PARP6: variants seen among roughly 807,000 people sequenced by gnomAD.
PARP6 encodes poly(ADP-ribose) polymerase family member 6.
Under a neutral mutation model 92.0 loss-of-function variants are expected in PARP6, and 27 were observed. The observed-to-expected ratio is 0.29, with a 90% CI of 0.22 to 0.40. PARP6 has a LOEUF of 0.40. PARP6 is among the 10% of genes least tolerant of loss of function. The pLI is 1.00. For missense variants in PARP6, 501 were observed against 784.5 expected (o/e 0.64, Z 4.32); for synonymous variants, 272 against 281.2 (o/e 0.97, Z 0.33).
At position 72,265,598 on chromosome 15, in the gene PARP6, C is replaced by T. The variant is rs557665331; in HGVS notation, c.177-125G>A. The T allele has an allele frequency of 6.5e-6, 5 of 773,566 alleles. No individual in the cohort carries two copies. In the African/African-American group the frequency reaches 8.5e-5, roughly 13 times the overall value. The allele number at this position is 773,566 out of a possible 1,614,324, so 47.9% of individuals were successfully genotyped here. On this transcript the variant is annotated intron_variant, in intron 5 of 23. Transcript: ENST00000569795. ...GGGAAGAGTGGATGACAGTTTTGTACCTAGGGTCTTAGCTATAGCCTTACA... is the reference window on the plus strand; with the variant it reads ...GGGAAGAGTGGATGACAGTTTTGTATCTAGGGTCTTAGCTATAGCCTTACA...
intron 14 of PARP6, among the ~76,000 whole-genome samples, chr15:72,255,665 A>C (rs1042128607): frequency 2.6e-5 from 4 of 151,832 alleles, no homozygotes; most frequent in African/African-American, 9.7e-5. Flanking sequence ...AGCCTCCATA[A>C]TCATGTGAGG....
intron 20 of PARP6, among the ~76,000 whole-genome samples, chr15:72,248,708 C>G (rs1350192270): frequency 6.6e-6 from 1 of 152,188 alleles, no homozygotes; most frequent in Non-Finnish European, 1.5e-5. Context: ...CTTGACTCAT[C>G]TCCTGATTAG....
chr15:72,254,979 T>C (rs2084870969), intron 14 of PARP6, among the ~76,000 whole-genome samples: 1 of 152,110 alleles, frequency 6.6e-6, no homozygotes, highest in South Asian at 2.1e-4. Flanking sequence ...AGATTAACAT[T>C]TGAATCAGCA....
chr15:72,264,021 CAAAA>C (rs34865114), intron 8 of PARP6, among the ~76,000 whole-genome samples: 2 of 96,486 alleles, frequency 2.1e-5, no homozygotes, highest in Admixed American at 1.1e-4. Context: ...ACTCTGTCTC[CAAAA>C]AAAAAAAAAA....
intron 8 of PARP6, among the ~76,000 whole-genome samples, chr15:72,264,223 T>A (rs2086268317): frequency 6.6e-6 from 1 of 152,162 alleles, no homozygotes; most frequent in African/African-American, 2.4e-5. Flanking sequence ...ACACATTCAA[T>A]AAACTAGAGT....
At chr15:72,260,354 A>T (rs2085701349) in intron 10 of PARP6, 124 bp downstream of exon 10, 1 of 734,720 alleles carries the variant, frequency 1.4e-6, no homozygotes, top group Admixed American at 2.5e-5. Flanking sequence ...CTCATGGTAC[A>T]TACCTAGGTT....
At chr15:72,270,699 C>T (rs945365874) in intron 2 of PARP6, among the ~76,000 whole-genome samples, 2 of 152,180 alleles carry the variant, frequency 1.3e-5, no homozygotes, top group African/African-American at 4.8e-5. Flanking sequence ...CAAAGGCCAC[C>T]TTGACCATCC....
At position 72,256,489 on chromosome 15, in the gene PARP6, G is replaced by A. The variant is rs1318214008; in HGVS notation, c.1101C>T (p.Pro367=). The change falls in exon 14 of 24, where the codon CCC becomes CCT. Residue 367 remains proline, a synonymous_variant. Transcript: ENST00000569795. ...PYPSVVDPTD[P]KTLAFNPKKK... Reference sequence around the variant, plus strand: ...CCTTAGGGTTAAAGGCCAGAGTCTTGGGATCAGTGGGGTCCACCACAGAGG... The same window carrying A: ...CCTTAGGGTTAAAGGCCAGAGTCTTAGGATCAGTGGGGTCCACCACAGAGG... The A allele has an allele frequency of 6.3e-7, 1 of 1,584,688 alleles. No homozygotes were observed. The highest frequency in any genetic ancestry group is 1.4e-5 in the African/African-American group (1 of 72,870).
chr15:72,264,286 C>A (rs2086275032), intron 8 of PARP6, among the ~76,000 whole-genome samples: 1 of 152,178 alleles, frequency 6.6e-6, no homozygotes, highest in African/African-American at 2.4e-5. Flanking sequence ...TAGCATGACT[C>A]TGATTTCAGG....
At chr15:72,270,393 A>C (rs976067549) in intron 2 of PARP6, among the ~76,000 whole-genome samples, 2 of 152,188 alleles carry the variant, frequency 1.3e-5, no homozygotes, top group African/African-American at 4.8e-5. Flanking sequence ...CTTTTGTGTA[A>C]AGTTGAAAAG....
intron 20 of PARP6, chr15:72,243,678 T>A (rs533199581): frequency 1.3e-5 from 2 of 152,228 alleles, no homozygotes; most frequent in Non-Finnish European, 2.9e-5. Flanking sequence ...GGTTTGAGGA[T>A]AGGACGTTAA....
chr15:72,243,615 T>C (rs2083297856), intron 20 of PARP6: 2 of 152,252 alleles, frequency 1.3e-5, no homozygotes, highest in Non-Finnish European at 1.5e-5. Flanking sequence ...ACTTGGACTT[T>C]TCTTATTTAG....
chr15:72,255,408 A>G (rs2084939134), intron 14 of PARP6, among the ~76,000 whole-genome samples: 1 of 152,042 alleles, frequency 6.6e-6, no homozygotes, highest in Admixed American at 6.5e-5. Flanking sequence ...GCCCACCAAC[A>G]TGCCTGGCTA....
intron 19 of PARP6, 94 bp downstream of exon 19, chr15:72,249,926 T>C (rs1011698663): frequency 1.0e-5 from 8 of 798,068 alleles, no homozygotes; most frequent in Non-Finnish European, 1.5e-5. Flanking sequence ...TTGAGGACAC[T>C]GAGGCAAAAA....
intron 14 of PARP6, among the ~76,000 whole-genome samples, chr15:72,255,026 G>A (rs1402902322): frequency 2.6e-5 from 4 of 152,110 alleles, no homozygotes; most frequent in Non-Finnish European, 4.4e-5. Flanking sequence ...TAATGTGGAA[G>A]GGCCTTATCC....
chr15:72,249,487 C>T (rs1052800259), intron 19 of PARP6, among the ~76,000 whole-genome samples, 173 bp from the exon 20 acceptor site: 1 of 152,256 alleles, frequency 6.6e-6, no homozygotes, highest in Non-Finnish European at 1.5e-5. Flanking sequence ...TGCAGGTTAA[C>T]CTGCTTGCCT....
intron 20 of PARP6, among the ~76,000 whole-genome samples, chr15:72,246,780 A>T (rs1234153177): frequency 1.3e-4 from 19 of 149,178 alleles, no homozygotes. Flanking sequence ...TTTGAGATGG[A>T]GTCTTGCTCT....
intron 11 of PARP6, 85 bp downstream of exon 11, chr15:72,259,523 T>C: frequency 9.6e-7 from 1 of 1,044,872 alleles, no homozygotes; most frequent in Non-Finnish European, 1.5e-6. Context: ...AGAAAGTATT[T>C]GATTGAGGAG....
chr15:72,252,937 T>C (rs1217874774), intron 16 of PARP6, among the ~76,000 whole-genome samples: 1 of 152,082 alleles, frequency 6.6e-6, no homozygotes, highest in Non-Finnish European at 1.5e-5. Context: ...TCCCAGCACT[T>C]TGGGAAGCCA....
Sources: gnomAD v4.1 joint callset for allele counts (sites outside exome capture counted in the v4.1 genomes callset) on GRCh38, gnomAD v4.1.1 for gene constraint, MANE v1.5 for transcripts, NCBI Gene and HGNC (gene_info 2026-07-23, HGNC 2026-07-21) for gene names.